The following SH3BGRL2 variants were observed in gnomAD, a reference collection of about 807,000 sequenced individuals.
SH3BGRL2 encodes SH3 domain binding glutamate rich protein like 2, also known as SH3 domain-binding glutamic acid-rich-like protein 2.
A neutral mutation model predicts 14.8 loss-of-function variants in SH3BGRL2; 21 were observed. The observed-to-expected ratio is 1.42, with a 90% CI of 1.01 to 2.05. The LOEUF (loss-of-function observed/expected upper bound fraction) is 2.05. Ranked by LOEUF, SH3BGRL2 falls within the 30% of genes most tolerant of loss-of-function variation. The pLI, the probability that SH3BGRL2 is intolerant of heterozygous loss-of-function variation, is 0.00. For synonymous variants in SH3BGRL2, 50 were observed against 47.8 expected (o/e 1.05, Z -0.19); for missense variants, 147 against 130.8 (o/e 1.12, Z -0.61).
chr6:79,618,674 C>T, the SH3BGRL2 span, among the ~76,000 whole-genome samples: 1 of 151,694 alleles, frequency 6.6e-6, no homozygotes, highest in African/African-American at 2.4e-5. Flanking sequence ...CCATTGCACT[C>T]CAGCCTGGCC....
intron 1 of SH3BGRL2, among the ~76,000 whole-genome samples, chr6:79,658,965 C>T (rs1769482911): frequency 6.6e-6 from 1 of 152,148 alleles, no homozygotes; most frequent in African/African-American, 2.4e-5. Flanking sequence ...TGTTCATATC[C>T]TTTGCCCACT....
the SH3BGRL2 span, among the ~76,000 whole-genome samples, chr6:79,564,392 A>G: frequency 8.8e-6 from 1 of 113,162 alleles, no homozygotes; most frequent in Non-Finnish European, 1.8e-5. Context: ...AGATTTTTAA[A>G]AATTCAATAG....
At chr6:79,613,141 T>G in the SH3BGRL2 span, among the ~76,000 whole-genome samples, 1 of 152,172 alleles carries the variant, frequency 6.6e-6, no homozygotes, top group Admixed American at 6.5e-5. Context: ...CAAGCAACAT[T>G]CTGTTTAGAT....
the SH3BGRL2 span, among the ~76,000 whole-genome samples, chr6:79,580,957 A>G: frequency 1.3e-5 from 2 of 152,240 alleles, no homozygotes; most frequent in African/African-American, 2.4e-5. Context: ...TAAATGGGAT[A>G]TCATCACTGA....
Position 79,643,165 on chromosome 6 carries a change from A to G in SH3BGRL2, c.45+11659A>G, listed in dbSNP as rs144149210. Among the ~76,000 whole-genome samples the G allele has an allele frequency of 5.4e-4, 82 of 152,324 alleles. 1 individual carries two copies. The highest frequency in any genetic ancestry group is 1.8e-3 in the African/African-American group (76 of 41,590). ...ATGATTTCTTATACTCATTTTACAG[A>G]TGAGAGTGTTGAGACACAGGGTAAT... is the stretch of plus-strand genomic sequence containing the variant. On this transcript the variant is annotated intron_variant, in intron 1 of 3. Coordinates refer to ENST00000369838, the MANE Select transcript of SH3BGRL2 (RefSeq NM_031469.4).
the SH3BGRL2 span, among the ~76,000 whole-genome samples, chr6:79,560,521 C>T: frequency 6.6e-6 from 1 of 152,094 alleles, no homozygotes; most frequent in Admixed American, 6.6e-5. Flanking sequence ...CACTGCACTA[C>T]AGACTGGGCA....
At chr6:79,622,127 T>C in the SH3BGRL2 span, among the ~76,000 whole-genome samples, 9 of 152,162 alleles carry the variant, frequency 5.9e-5, no homozygotes, top group Admixed American at 3.9e-4. Context: ...AATGTCACTA[T>C]TGCTGTTGGA....
At chr6:79,608,281 CT>C in the SH3BGRL2 span, among the ~76,000 whole-genome samples, 1 of 152,152 alleles carries the variant, frequency 6.6e-6, no homozygotes, top group Non-Finnish European at 1.5e-5. Flanking sequence ...TCCAGTGTTT[CT>C]TCAATTGGGA....
At position 79,673,745 on chromosome 6, in the gene SH3BGRL2, C is replaced by T. The variant is rs756850795; in HGVS notation, c.177C>T (p.Pro59=). ...AAAACGTCCCCCCGGAAAAGAAACC[C>T]ACTCAGGGCAACCCCCTGCCACCTC... The part of the protein sequence containing the change: ...MYKNVPPEKK[P]TQGNPLPPQI... The change falls in exon 2 of 4, where the codon CCC becomes CCT. Residue 59 remains proline, a synonymous_variant. Coordinates refer to ENST00000369838, the MANE Select transcript of SH3BGRL2 (RefSeq NM_031469.4). 3.7e-6 allele frequency: 6 copies of T among 1,614,054 alleles called. No homozygotes were observed. The highest frequency in any genetic ancestry group is 3.4e-6 in the Non-Finnish European group (4 of 1,180,006).
At chr6:79,648,216 G>C (rs1190000682) in intron 1 of SH3BGRL2, among the ~76,000 whole-genome samples, 1 of 127,132 alleles carries the variant, frequency 7.9e-6, no homozygotes, top group East Asian at 2.5e-4. Flanking sequence ...ATCTGATTCT[G>C]ACCTACCTTT....
At chr6:79,662,438 G>A (rs1427718061) in intron 1 of SH3BGRL2, among the ~76,000 whole-genome samples, 3 of 152,174 alleles carry the variant, frequency 2.0e-5, no homozygotes, top group African/African-American at 7.2e-5. Flanking sequence ...ATTCTGGGTT[G>A]AAAATTCTTT....
chr6:79,679,746 T>A (rs1245504366), intron 2 of SH3BGRL2, among the ~76,000 whole-genome samples: 1 of 152,086 alleles, frequency 6.6e-6, no homozygotes, highest in Non-Finnish European at 1.5e-5. Context: ...TCACCAACTT[T>A]TTTTGTTATT....
the SH3BGRL2 span, among the ~76,000 whole-genome samples, chr6:79,538,028 T>G: frequency 1.3e-4 from 12 of 93,728 alleles, no homozygotes; most frequent in East Asian, 2.7e-3. Flanking sequence ...GTTTTTTTTT[T>G]TTTTTTTTTT....
Position 79,700,516 on chromosome 6 carries a change from T to C in SH3BGRL2, c.*1007T>C, listed in dbSNP as rs1427527696. The C allele has an allele frequency of 6.6e-6, 1 of 152,222 alleles. No individual in the cohort carries two copies. Among genetic ancestry groups the C allele is most frequent in the African/African-American group, 2.4e-5 (1 of 41,454 alleles). The allele number at this position is 152,222 out of a possible 1,614,324, so 9.4% of individuals were successfully genotyped here. Reference sequence around the variant, plus strand: ...CCAATGTTGTAGTAAAATTTAATTTTTCCTTTTGTTACTTTTCATTTGCCT... The same window carrying C: ...CCAATGTTGTAGTAAAATTTAATTTCTCCTTTTGTTACTTTTCATTTGCCT... On this transcript the variant is annotated 3_prime_UTR_variant, in exon 4 of 4. Transcript: ENST00000369838.
At chr6:79,658,117 A>G (rs1023748869) in intron 1 of SH3BGRL2, among the ~76,000 whole-genome samples, 1 of 152,188 alleles carries the variant, frequency 6.6e-6, no homozygotes, top group African/African-American at 2.4e-5. Context: ...AGTTTCAGTT[A>G]AGGAACTAAA....
chr6:79,671,729 C>T (rs1769777340), intron 1 of SH3BGRL2, among the ~76,000 whole-genome samples: 1 of 152,194 alleles, frequency 6.6e-6, no homozygotes, highest in Non-Finnish European at 1.5e-5. Flanking sequence ...TACCTGGGCC[C>T]CGCCCAGTAG....
chr6:79,625,750 A>G, the SH3BGRL2 span, among the ~76,000 whole-genome samples: 1 of 152,226 alleles, frequency 6.6e-6, no homozygotes, highest in African/African-American at 2.4e-5. Context: ...AGCACTGTAC[A>G]TACATCATCT....
chr6:79,596,401 C>T, the SH3BGRL2 span, among the ~76,000 whole-genome samples: 12 of 152,280 alleles, frequency 7.9e-5, no homozygotes, highest in African/African-American at 2.9e-4. Flanking sequence ...CTCAAACGAT[C>T]ATCCCACCTC....
the SH3BGRL2 span, among the ~76,000 whole-genome samples, chr6:79,614,154 T>G: frequency 3.9e-5 from 6 of 152,300 alleles, no homozygotes; most frequent in South Asian, 1.2e-3. Context: ...TGCATAGTAT[T>G]GTGGCTGAGT....
Sources: gnomAD v4.1 joint callset for allele counts (sites outside exome capture counted in the v4.1 genomes callset) on GRCh38, gnomAD v4.1.1 for gene constraint, MANE v1.5 for transcripts, NCBI Gene and HGNC (gene_info 2026-07-23, HGNC 2026-07-21) for gene names.